Variants in EML4 observed in about 807,000 individuals in gnomAD.
EML4 encodes the protein EMAP like 4.
EML4 carries 72 observed loss-of-function variants against 129.0 expected under a neutral mutation model. The observed-to-expected ratio is 0.56, with a 90% CI of 0.46 to 0.68. The LOEUF (loss-of-function observed/expected upper bound fraction) is 0.68. Ranked by LOEUF, EML4 falls within the 30% of genes least tolerant of loss-of-function variation. EML4 has a pLI of 0.00. For missense variants in EML4, 1,363 were observed against 1,190.6 expected (o/e 1.14, Z -2.13); for synonymous variants, 532 against 405.0 (o/e 1.31, Z -3.77).
At chr2:42,196,373 A>G (rs148900535) in intron 1 of EML4, among the ~76,000 whole-genome samples, 2 of 152,348 alleles carry the variant, frequency 1.3e-5, no homozygotes, top group African/African-American at 4.8e-5. Flanking sequence ...TAGGAGTGCC[A>G]ATCATTTAGC....
At chr2:42,251,167 G>A (rs1449677656) in intron 2 of EML4, among the ~76,000 whole-genome samples, 2 of 152,202 alleles carry the variant, frequency 1.3e-5, no homozygotes, top group African/African-American at 4.8e-5. Context: ...CTGTGGCCCA[G>A]GGGTTGGGGA....
chr2:42,313,914 G>T (rs1558603844), intron 17 of EML4, among the ~76,000 whole-genome samples: 1 of 150,436 alleles, frequency 6.6e-6, no homozygotes, highest in African/African-American at 2.5e-5. Context: ...TCCAGTCTGG[G>T]TGACAGAGTG....
intron 1 of EML4, chr2:42,170,416 C>A (rs1286285581): frequency 6.6e-6 from 1 of 152,184 alleles, no homozygotes; most frequent in Non-Finnish European, 1.5e-5. Context: ...GAAAGGGGGC[C>A]TCTATCAGGG....
intron 17 of EML4, among the ~76,000 whole-genome samples, chr2:42,313,253 G>A (rs574709482): frequency 6.6e-6 from 1 of 152,262 alleles, no homozygotes; most frequent in East Asian, 1.9e-4. Context: ...ACCGCGCCTG[G>A]CTAAACCAAT....
At position 42,267,008 on chromosome 2, in the gene EML4, A is replaced by G. The variant is rs954702898; in HGVS notation, c.667+2277A>G. Among the ~76,000 whole-genome samples the G allele has an allele frequency of 3.3e-5, 5 of 152,222 alleles. No homozygotes were observed. In the East Asian group the frequency reaches 5.8e-4, roughly 18 times the overall value. ...TACATGTAGAGATGTATAGCAAACA[A>G]TGTCATGTAGATGTTTAAACACATG... On this transcript the variant is annotated intron_variant, in intron 6 of 22. Transcript: ENST00000318522.
chr2:42,320,249 G>A (rs951222187), intron 19 of EML4, among the ~76,000 whole-genome samples: 3 of 151,856 alleles, frequency 2.0e-5, no homozygotes. Context: ...AGCACTTTGG[G>A]AGGCCAAGAT....
At chr2:42,203,218 T>C (rs1470597780) in intron 1 of EML4, among the ~76,000 whole-genome samples, 1 of 152,216 alleles carries the variant, frequency 6.6e-6, no homozygotes, top group Admixed American at 6.5e-5. Flanking sequence ...CATATAATTA[T>C]TATTTACCAG....
chr2:42,249,294 T>TTTTC (rs1675616924), intron 2 of EML4, among the ~76,000 whole-genome samples: 1 of 10,512 alleles, frequency 9.5e-5, no homozygotes, highest in Non-Finnish European at 2.1e-4. Flanking sequence ...TTATGTGTGA[T>TTTTC]TTTTTAGCCC....
At chr2:42,278,403 A>C (rs11684297) in intron 6 of EML4, among the ~76,000 whole-genome samples, 2 of 151,694 alleles carry the variant, frequency 1.3e-5, no homozygotes, top group African/African-American at 2.4e-5. Flanking sequence ...GTGAAACCAC[A>C]TGTCTACTAA....
intron 11 of EML4, chr2:42,289,365 A>T (rs995486209): frequency 6.6e-6 from 1 of 152,142 alleles, no homozygotes; most frequent in Non-Finnish European, 1.5e-5. Context: ...GGTGTTCTTC[A>T]GAGTTTTATT....
chr2:42,326,694 C>T (rs947603439), intron 21 of EML4, among the ~76,000 whole-genome samples: 8 of 152,176 alleles, frequency 5.3e-5, no homozygotes, highest in African/African-American at 1.9e-4. Flanking sequence ...CCAGCCTGGC[C>T]AACATGGTGA....
At chr2:42,262,553 A>G (rs1665798640) in intron 4 of EML4, among the ~76,000 whole-genome samples, 1 of 152,146 alleles carries the variant, frequency 6.6e-6, no homozygotes, top group Non-Finnish European at 1.5e-5. Flanking sequence ...TGCAAGAAGT[A>G]TTGGAGACTG....
At chr2:42,232,810 C>T (rs1674428042) in intron 1 of EML4, among the ~76,000 whole-genome samples, 1 of 152,044 alleles carries the variant, frequency 6.6e-6, no homozygotes, top group African/African-American at 2.4e-5. Context: ...CTGCAAGCTC[C>T]GCCTCCCGAG....
At chr2:42,281,612 A>T (rs1667015574) in intron 7 of EML4, among the ~76,000 whole-genome samples, 1 of 152,168 alleles carries the variant, frequency 6.6e-6, no homozygotes, top group Admixed American at 6.5e-5. Flanking sequence ...TTACTTATAA[A>T]AGGGGTTAAT....
At chr2:42,313,526 T>A (rs980217921) in intron 17 of EML4, among the ~76,000 whole-genome samples, 3 of 146,822 alleles carry the variant, frequency 2.0e-5, no homozygotes, top group Non-Finnish European at 4.5e-5. Flanking sequence ...CACTAAGCTT[T>A]AAAAAAAAAA....
chr2:42,283,662 TATA>T (rs1667136332), intron 8 of EML4, among the ~76,000 whole-genome samples: 1 of 152,182 alleles, frequency 6.6e-6, no homozygotes, highest in African/African-American at 2.4e-5. Context: ...AGATGACTAT[TATA>T]ATATTATATA....
intron 1 of EML4, among the ~76,000 whole-genome samples, chr2:42,233,922 A>G (rs531424873): frequency 1.3e-5 from 2 of 152,240 alleles, no homozygotes; most frequent in Admixed American, 1.3e-4. Context: ...TGGGGACTTT[A>G]AGCTCTAAGC....
rs141260156 is a variant in EML4 at position 42,315,272 on chromosome 2, A to G, written c.1968-690A>G. ...TTCTTCCTATGAGTTCCTCTGTTAT[A>G]TTGCGTCACCATCACTGAGGTTGGC... On this transcript the variant is annotated intron_variant, in intron 17 of 22. Coordinates refer to ENST00000318522, the MANE Select transcript of EML4 (RefSeq NM_019063.5). Among the ~76,000 whole-genome samples the G allele has an allele frequency of 1.8e-4, 27 of 152,214 alleles. No homozygotes were observed. The East Asian group carries it at 5.2e-3, about 29-fold the overall frequency.
intron 11 of EML4, among the ~76,000 whole-genome samples, chr2:42,292,178 C>G (rs1467684034): frequency 6.6e-6 from 1 of 152,160 alleles, no homozygotes; most frequent in Non-Finnish European, 1.5e-5. Flanking sequence ...TATTTAGGAA[C>G]TTTGTGAATT....
Sources: allele counts gnomAD v4.1 joint callset (sites outside exome capture counted in the v4.1 genomes callset), GRCh38; gene constraint gnomAD v4.1.1; transcripts MANE v1.5; gene names NCBI Gene and HGNC (gene_info 2026-07-23, HGNC 2026-07-21).